CABCOCO1: variants seen among roughly 807,000 people sequenced by gnomAD.
CABCOCO1 encodes ciliary-associated calcium-binding coiled-coil protein 1.
CABCOCO1 carries 28 observed loss-of-function variants against 35.7 expected under a neutral mutation model. The observed-to-expected ratio is 0.78, with a 90% CI of 0.58 to 1.07. CABCOCO1 has a LOEUF of 1.07. CABCOCO1 is among the 50% of genes least tolerant of loss of function. The probability of loss-of-function intolerance (pLI) is 0.00; values close to 1 mark genes in which losing one functional copy is unlikely to be tolerated. For synonymous variants in CABCOCO1, 95 were observed against 100.1 expected (o/e 0.95, Z 0.30); for missense variants, 326 against 309.2 (o/e 1.05, Z -0.41).
intron 3 of CABCOCO1, among the ~76,000 whole-genome samples, chr10:61,683,087 C>T (rs1839848570): frequency 6.6e-6 from 1 of 151,936 alleles, no homozygotes; most frequent in South Asian, 2.1e-4. Context: ...GACGGGGTTT[C>T]GCCATGTTGG....
intron 5 of CABCOCO1, among the ~76,000 whole-genome samples, chr10:61,746,087 C>G (rs930636515): frequency 1.3e-5 from 2 of 152,190 alleles, no homozygotes; most frequent in South Asian, 4.1e-4. Context: ...TAGGCCTATG[C>G]TCTTTCTGGC....
chr10:61,701,541 G>T, intron 5 of CABCOCO1: 1 of 721,848 alleles, frequency 1.4e-6, no homozygotes, highest in Non-Finnish European at 1.7e-6. Flanking sequence ...TGCTATTTAT[G>T]ATATTATCTG....
intron 7 of CABCOCO1, among the ~76,000 whole-genome samples, chr10:61,761,379 A>G (rs1842006555): frequency 6.6e-6 from 1 of 152,060 alleles, no homozygotes; most frequent in African/African-American, 2.4e-5. Flanking sequence ...CTTCTCACCA[A>G]ATTTCTAACA....
At chr10:61,714,060 G>A (rs1589136558) in intron 5 of CABCOCO1, among the ~76,000 whole-genome samples, 2 of 152,164 alleles carry the variant, frequency 1.3e-5, no homozygotes, top group Middle Eastern at 6.8e-3. Flanking sequence ...TTTTTCTATT[G>A]ATTGGAATAG....
intron 4 of CABCOCO1, 58 bp downstream of exon 4, chr10:61,686,243 G>T: frequency 1.4e-6 from 2 of 1,405,492 alleles, no homozygotes; most frequent in Non-Finnish European, 1.9e-6. Flanking sequence ...GAAAATGTCT[G>T]TTAAGTAAAA....
intron 5 of CABCOCO1, among the ~76,000 whole-genome samples, chr10:61,721,172 T>C (rs534801910): frequency 6.6e-6 from 1 of 151,742 alleles, no homozygotes; most frequent in South Asian, 2.1e-4. Flanking sequence ...GATCCACCCG[T>C]CTCAGCCTCC....
chr10:61,755,610 A>G (rs1310103958), intron 5 of CABCOCO1, among the ~76,000 whole-genome samples: 2 of 152,094 alleles, frequency 1.3e-5, no homozygotes, highest in Admixed American at 1.3e-4. Flanking sequence ...TCTGCTGTTC[A>G]AAATAGTGGA....
At position 61,760,123 on chromosome 10, in the gene CABCOCO1, C is replaced by T. The variant is rs762848424; in HGVS notation, c.617C>T (p.Ser206Leu). The T allele has an allele frequency of 5.3e-5, 86 of 1,611,918 alleles. No individual in the cohort carries two copies. Among genetic ancestry groups the T allele is most frequent in the Non-Finnish European group, 6.7e-5 (79 of 1,178,476 alleles). The change falls in exon 6 of 8, where the codon TCA becomes TTA. Residue 206 changes from serine (S) to leucine (L), a missense_variant. Ser to Leu is a moderately radical substitution (Grantham distance 145, BLOSUM62 -2). Coordinates refer to ENST00000648843, the MANE Select transcript of CABCOCO1 (RefSeq NM_001366906.2). ...CCAAATCCTCTGGAAGAAGGAATCT[C>T]ATTTGATATTTATTCAACATTCATA... ...PFPNPLEEGI[S>L]FDIYSTFIEP...
At chr10:61,745,937 T>G (rs1841649815) in intron 5 of CABCOCO1, among the ~76,000 whole-genome samples, 1 of 152,216 alleles carries the variant, frequency 6.6e-6, no homozygotes, top group African/African-American at 2.4e-5. Context: ...AAGATGGATT[T>G]GAAGGACTCT....
At chr10:61,693,364 G>T (rs1187506928) in intron 5 of CABCOCO1, among the ~76,000 whole-genome samples, 1 of 152,156 alleles carries the variant, frequency 6.6e-6, no homozygotes, top group East Asian at 1.9e-4. Context: ...CTGATCTCAG[G>T]GCTCTGGGAC....
intron 5 of CABCOCO1, among the ~76,000 whole-genome samples, chr10:61,721,095 T>C (rs1009230718): frequency 6.6e-6 from 1 of 151,692 alleles, no homozygotes; most frequent in African/African-American, 2.4e-5. Flanking sequence ...CGGCTAATTT[T>C]TTGTATTTTT....
intron 2 of CABCOCO1, among the ~76,000 whole-genome samples, chr10:61,678,542 A>C (rs915695960): frequency 4.6e-5 from 7 of 151,812 alleles, no homozygotes; most frequent in Admixed American, 2.6e-4. Context: ...CACAATGTTC[A>C]CATATATATA....
intron 5 of CABCOCO1, among the ~76,000 whole-genome samples, chr10:61,702,939 A>C (rs1010452704): frequency 6.6e-6 from 1 of 152,034 alleles, no homozygotes; most frequent in African/African-American, 2.4e-5. Flanking sequence ...GAAAAAAAAA[A>C]CAACAACAGA....
At chr10:61,748,365 C>T (rs1372400512) in intron 5 of CABCOCO1, among the ~76,000 whole-genome samples, 1 of 152,146 alleles carries the variant, frequency 6.6e-6, no homozygotes, top group African/African-American at 2.4e-5. Flanking sequence ...AAGTCCTTAC[C>T]CTCAGAGAGT....
At chr10:61,748,589 A>G (rs1841715174) in intron 5 of CABCOCO1, among the ~76,000 whole-genome samples, 1 of 152,212 alleles carries the variant, frequency 6.6e-6, no homozygotes, top group Non-Finnish European at 1.5e-5. Context: ...ACTGTGAATG[A>G]ATGTGAATCC....
At chr10:61,710,643 A>G (rs1209918897) in intron 5 of CABCOCO1, among the ~76,000 whole-genome samples, 1 of 151,962 alleles carries the variant, frequency 6.6e-6, no homozygotes. Flanking sequence ...AAAAGTGGAT[A>G]CTTTTTTTAA....
intron 5 of CABCOCO1, among the ~76,000 whole-genome samples, chr10:61,694,502 C>T (rs907450692): frequency 5.3e-5 from 8 of 151,122 alleles, no homozygotes; most frequent in South Asian, 2.1e-4. Flanking sequence ...TACCTTATAC[C>T]GAACTTAAAA....
chr10:61,691,632 A>G (rs1274337777), intron 5 of CABCOCO1, among the ~76,000 whole-genome samples: 4 of 151,938 alleles, frequency 2.6e-5, no homozygotes, highest in Non-Finnish European at 5.9e-5. Flanking sequence ...TCCTAATACT[A>G]TCCCTCCCCT....
intron 2 of CABCOCO1, among the ~76,000 whole-genome samples, chr10:61,680,698 A>AT (rs1554821591): frequency 8.2e-6 from 1 of 122,540 alleles, no homozygotes; most frequent in African/African-American, 3.0e-5. Flanking sequence ...TATAACATAT[A>AT]TATGTTATAC....
Sources: allele counts gnomAD v4.1 joint callset (sites outside exome capture counted in the v4.1 genomes callset), GRCh38; gene constraint gnomAD v4.1.1; transcripts MANE v1.5; gene names NCBI Gene and HGNC (gene_info 2026-07-23, HGNC 2026-07-21).